Variants in PDK1 observed in about 807,000 individuals in gnomAD.
PDK1 encodes pyruvate dehydrogenase kinase 1, also known as [Pyruvate dehydrogenase (acetyl-transferring)] kinase isozyme 1, mitochondrial.
Under a neutral mutation model 54.2 loss-of-function variants are expected in PDK1, and 39 were observed. That is an observed-to-expected ratio of 0.72 (90% CI 0.56 to 0.94). PDK1 has a LOEUF of 0.94. Ranked by LOEUF, PDK1 falls within the 40% of genes least tolerant of loss-of-function variation. PDK1 has a pLI of 0.00. For missense variants in PDK1, 552 were observed against 566.0 expected (o/e 0.98, Z 0.25); for synonymous variants, 221 against 207.1 (o/e 1.07, Z -0.58).
intron 8 of PDK1, among the ~76,000 whole-genome samples, chr2:172,571,823 C>CGTTTTTTTTTTTTTTTTTTT (rs765005051): frequency 2.0e-5 from 2 of 99,784 alleles, no homozygotes; most frequent in African/African-American, 3.9e-5. Flanking sequence ...TCTTTCTTTA[C>CGTTTTTTTTTTTTTTTTTTT]TTTTTTTTTT....
chr2:172,646,284 G>A, the PDK1 span, among the ~76,000 whole-genome samples: 2 of 151,980 alleles, frequency 1.3e-5, no homozygotes, highest in Admixed American at 6.6e-5. Context: ...TCAATTTTTT[G>A]GCATTGTTTC....
At chr2:172,660,094 G>T in the PDK1 span, among the ~76,000 whole-genome samples, 1 of 152,044 alleles carries the variant, frequency 6.6e-6, no homozygotes, top group Non-Finnish European at 1.5e-5. Context: ...GGTGCAGGGT[G>T]AGAGCAAGAG....
At chr2:172,560,674 A>C (rs1290481726) in intron 2 of PDK1, among the ~76,000 whole-genome samples, 1 of 152,252 alleles carries the variant, frequency 6.6e-6, no homozygotes, top group South Asian at 2.1e-4. Flanking sequence ...TTTATAAATT[A>C]CAAAAGTTAA....
chr2:172,609,440 C>T (rs1393189480), downstream of PDK1, among the ~76,000 whole-genome samples: 1 of 152,098 alleles, frequency 6.6e-6, no homozygotes, highest in Non-Finnish European at 1.5e-5. Flanking sequence ...AGATTTTATG[C>T]TTTTTTGATT....
chr2:172,615,195 T>C, the PDK1 span, among the ~76,000 whole-genome samples: 1 of 152,312 alleles, frequency 6.6e-6, no homozygotes, highest in Non-Finnish European at 1.5e-5. Context: ...CTGAGAGAAA[T>C]CTTGCATCAC....
rs1036616991 is a variant in PDK1 at position 172,580,668 on chromosome 2, C to T, written c.946-5610C>T. On this transcript the variant is annotated intron_variant, in intron 8 of 10. Transcript: ENST00000282077. Reference sequence around the variant, plus strand: ...CCTTACACACAAATACTCATAGTGGCACTATTCACAATAGTGTACAGGTAG... The same window carrying T: ...CCTTACACACAAATACTCATAGTGGTACTATTCACAATAGTGTACAGGTAG... Among the ~76,000 whole-genome samples, 11 of 152,154 alleles carry T rather than the reference C, an allele frequency of 7.2e-5. 1 individual carries two copies. The highest frequency in any genetic ancestry group is 6.5e-4 in the Admixed American group (10 of 15,286).
intron 2 of PDK1, 51 bp from the exon 3 acceptor site, chr2:172,562,169 G>T: frequency 1.0e-6 from 1 of 965,800 alleles, no homozygotes. Context: ...TCATGATATT[G>T]AACTTTCAGA....
intron 7 of PDK1, among the ~76,000 whole-genome samples, chr2:172,569,682 A>G (rs753685236): frequency 2.0e-5 from 3 of 152,226 alleles, no homozygotes; most frequent in African/African-American, 7.2e-5. Context: ...GCAAAAATGT[A>G]TTTAATACCT....
At chr2:172,583,833 G>A (rs1223069873) in intron 8 of PDK1, among the ~76,000 whole-genome samples, 1 of 151,786 alleles carries the variant, frequency 6.6e-6, no homozygotes, top group African/African-American at 2.4e-5. Flanking sequence ...ATATTATTCA[G>A]TACTATTTTA....
chr2:172,562,687 A>G lies in PDK1; in HGVS notation c.410+396A>G, dbSNP rs1425054678. The stretch of plus-strand genomic sequence containing the variant: ...CTACAAGTCTAGATTTGTAATGTAA[A>G]ATCTCTCACTTTTGAAAGATTGGTA... On this transcript the variant is annotated intron_variant, in intron 3 of 10. Coordinates refer to ENST00000282077, the MANE Select transcript of PDK1 (RefSeq NM_002610.5). The G allele has an allele frequency of 1.3e-5, 13 of 981,842 alleles. No homozygotes were observed. In the East Asian group the frequency reaches 3.1e-4, roughly 23 times the overall value. 60.8% of individuals were successfully genotyped at this position (981,842 alleles called of 1,614,324 possible). A position where few individuals can be genotyped will look rare whatever the true frequency, so the allele number is the denominator to read the frequency against.
Position 172,600,225 on chromosome 2 carries a change from G to A in PDK1, c.*4256G>A, listed in dbSNP as rs771259273. The A allele has an allele frequency of 3.9e-5, 6 of 152,152 alleles. No individual in the cohort carries two copies. The highest frequency in any genetic ancestry group is 7.3e-5 in the Non-Finnish European group (5 of 68,032). 9.4% of individuals were successfully genotyped at this position (152,152 alleles called of 1,614,324 possible). ...TCTCTCATTATGGAATTCAGAATGT[G>A]ACAGTTATAGTACTACATGAAAATA... On this transcript the variant is annotated 3_prime_UTR_variant, in exon 11 of 11. Coordinates refer to ENST00000282077, the MANE Select transcript of PDK1 (RefSeq NM_002610.5).
At chr2:172,617,950 C>T in the PDK1 span, among the ~76,000 whole-genome samples, 2 of 152,082 alleles carry the variant, frequency 1.3e-5, no homozygotes, top group Non-Finnish European at 2.9e-5. Context: ...CCTTTACTTA[C>T]AAAACATATT....
the PDK1 span, among the ~76,000 whole-genome samples, chr2:172,623,508 A>G: frequency 6.6e-6 from 1 of 152,244 alleles, no homozygotes; most frequent in African/African-American, 2.4e-5. Flanking sequence ...AGTCAATTTT[A>G]TCGCTCATGA....
the PDK1 span, among the ~76,000 whole-genome samples, chr2:172,684,870 T>TCATCTTGAATTGTAATTCC: frequency 6.6e-6 from 1 of 152,196 alleles, no homozygotes; most frequent in African/African-American, 2.4e-5. Flanking sequence ...TATCCAAATC[T>TCATCTTGAATTGTAATTCC]CATCTTGAAT....
At chr2:172,663,008 A>G in the PDK1 span, among the ~76,000 whole-genome samples, 4 of 152,326 alleles carry the variant, frequency 2.6e-5, no homozygotes, top group African/African-American at 9.6e-5. Flanking sequence ...GAATGTAAGA[A>G]GGAAAGAGGA....
rs36031428 is a variant in PDK1, at chr2:172,571,823, C to CTTTT, written c.945+1022_945+1025dup. 4.1e-4 allele frequency among the ~76,000 whole-genome samples: 41 copies of CTTTT among 99,792 alleles called. 2 individuals are homozygous for CTTTT. Among genetic ancestry groups the CTTTT allele is most frequent in the African/African-American group, 6.2e-4 (16 of 25,620 alleles). 65.5% of individuals were successfully genotyped at this position (99,792 alleles called of 152,430 possible). A position where few individuals can be genotyped will look rare whatever the true frequency, so the allele number is the denominator to read the frequency against. ...CTCAGAGATTCTTAGTCTTTCTTTA[C>CTTTT]TTTTTTTTTTTTTTTTTTTTTTTTT... On this transcript the variant is annotated intron_variant, in intron 8 of 10. Transcript: ENST00000282077.
the PDK1 span, among the ~76,000 whole-genome samples, chr2:172,670,681 A>C: frequency 2.0e-5 from 3 of 152,350 alleles, no homozygotes; most frequent in African/African-American, 7.2e-5. Flanking sequence ...TAAAAAATAA[A>C]TGAAATCAAT....
the PDK1 span, among the ~76,000 whole-genome samples, chr2:172,665,178 T>C: frequency 6.6e-6 from 1 of 151,972 alleles, no homozygotes; most frequent in African/African-American, 2.4e-5. Flanking sequence ...TTCTTTTTTG[T>C]TTCTTTTGTT....
At chr2:172,558,927 C>A in intron 2 of PDK1, 78 bp downstream of exon 2, 1 of 1,334,932 alleles carries the variant, frequency 7.5e-7, no homozygotes. Context: ...CTTTTTTTTA[C>A]TCTTTGGTGG....
Sources: allele counts gnomAD v4.1 joint callset (sites outside exome capture counted in the v4.1 genomes callset), GRCh38; gene constraint gnomAD v4.1.1; transcripts MANE v1.5; gene names NCBI Gene and HGNC (gene_info 2026-07-23, HGNC 2026-07-21).